Variants in GALNT7 observed in about 807,000 individuals in gnomAD.
GALNT7 encodes N-acetylgalactosaminyltransferase 7.
GALNT7 carries 60 observed loss-of-function variants against 82.1 expected under a neutral mutation model. The ratio of observed to expected loss-of-function variants is 0.73; its 90% CI spans 0.59 to 0.91. GALNT7 has a LOEUF of 0.91. GALNT7 is among the 40% of genes least tolerant of loss of function. The probability of loss-of-function intolerance (pLI) is 0.00; values close to 1 mark genes in which losing one functional copy is unlikely to be tolerated. For missense variants in GALNT7, 660 were observed against 804.2 expected (o/e 0.82, Z 2.17); for synonymous variants, 243 against 275.1 (o/e 0.88, Z 1.15).
chr4:173,212,519 C>T (rs919328319), intron 1 of GALNT7, among the ~76,000 whole-genome samples: 3 of 152,022 alleles, frequency 2.0e-5, no homozygotes, highest in Admixed American at 6.6e-5. Flanking sequence ...TGTCTTTTTA[C>T]AAATGGAAAA....
At chr4:173,217,817 C>T (rs1279614051) in intron 1 of GALNT7, among the ~76,000 whole-genome samples, 1 of 152,202 alleles carries the variant, frequency 6.6e-6, no homozygotes, top group African/African-American at 2.4e-5. Flanking sequence ...AGCCTGCTTT[C>T]ACTCTGTGAG....
intron 2 of GALNT7, among the ~76,000 whole-genome samples, chr4:173,260,646 G>A (rs1358838814): frequency 1.3e-5 from 2 of 152,120 alleles, no homozygotes; most frequent in Admixed American, 1.3e-4. Context: ...TGAATCAAGA[G>A]CTTTGTGAAA....
rs1340580616 is a variant in GALNT7, at chr4:173,302,076, C to G, written c.1178C>G (p.Ala393Gly). The change falls in exon 7 of 12, where the codon GCC (alanine) becomes GGC (glycine). Residue 393 changes from alanine to glycine, a missense_variant. Ala to Gly is a moderately conservative substitution (Grantham distance 60). This residue lies in a region of GALNT7 where 527 missense variants were observed against 683.5 expected (regional missense o/e 0.77). Coordinates refer to ENST00000265000, the MANE Select transcript of GALNT7 (RefSeq NM_017423.3). The surrounding 1 kb of genome is among the most constrained non-coding windows in gnomAD (Gnocchi z 4.2). ...RSPAMAGGLF[A>G]IEREFFFELG... ...CCAGCCATGGCTGGGGGATTATTTGCCATTGAACGAGAGTTCTTCTTTGAA... is the reference window on the plus strand; with the variant it reads ...CCAGCCATGGCTGGGGGATTATTTGGCATTGAACGAGAGTTCTTCTTTGAA... The G allele has an allele frequency of 6.3e-7, 1 of 1,589,036 alleles. No individual in the cohort carries two copies. The highest frequency in any genetic ancestry group is 1.7e-5 in the Admixed American group (1 of 59,974).
At chr4:173,274,355 T>TGA (rs1326207761) in intron 2 of GALNT7, among the ~76,000 whole-genome samples, 1 of 152,252 alleles carries the variant, frequency 6.6e-6, no homozygotes, top group Admixed American at 6.5e-5. Flanking sequence ...CTGAGCTGTG[T>TGA]GCAGTCATTT....
intron 2 of GALNT7, chr4:173,268,369 C>G (rs1396053872): frequency 6.6e-6 from 1 of 151,964 alleles, no homozygotes; most frequent in Non-Finnish European, 1.5e-5. Context: ...ATTTTCTGCA[C>G]AGGACACAGC....
At chr4:173,196,292 T>A (rs1396755246) in intron 1 of GALNT7, among the ~76,000 whole-genome samples, 1 of 151,894 alleles carries the variant, frequency 6.6e-6, no homozygotes, top group Admixed American at 6.6e-5. Context: ...GCCTGGCTAA[T>A]TTTTGTATTT....
At chr4:173,255,382 C>G (rs1177200201) in intron 2 of GALNT7, among the ~76,000 whole-genome samples, 1 of 152,170 alleles carries the variant, frequency 6.6e-6, no homozygotes, top group African/African-American at 2.4e-5. Context: ...CATTTCCCCT[C>G]TCTTCATCCC....
chr4:173,314,254 G>A, intron 9 of GALNT7, 78 bp downstream of exon 9: 1 of 971,730 alleles, frequency 1.0e-6, no homozygotes, highest in African/African-American at 1.6e-5. Flanking sequence ...AAATATGTAA[G>A]AGGGAAGTAT....
At chr4:173,268,530 GTTTTTTTT>G (rs60894562) in intron 2 of GALNT7, among the ~76,000 whole-genome samples, 8 of 52,364 alleles carry the variant, frequency 1.5e-4, no homozygotes, top group East Asian at 7.3e-4. Context: ...TTTCTCTCTC[GTTTTTTTT>G]TTTTTTTTTT....
chr4:173,171,231 G>A (rs1731859411), intron 1 of GALNT7, among the ~76,000 whole-genome samples: 2 of 152,136 alleles, frequency 1.3e-5, no homozygotes, highest in Non-Finnish European at 2.9e-5. Flanking sequence ...GAGCTTTTAA[G>A]GTACAGTGCT....
chr4:173,246,819 G>C (rs1023476097), intron 1 of GALNT7, among the ~76,000 whole-genome samples: 10 of 152,104 alleles, frequency 6.6e-5, no homozygotes, highest in Admixed American at 6.5e-5. Flanking sequence ...TGGTCGGGTG[G>C]TGCTAATTCT....
intron 8 of GALNT7, among the ~76,000 whole-genome samples, chr4:173,311,097 T>G (rs1326228874): frequency 6.6e-6 from 1 of 152,242 alleles, no homozygotes; most frequent in African/African-American, 2.4e-5. Flanking sequence ...CTTGCTATAC[T>G]GCAATACACC....
chr4:173,205,037 C>G (rs1262900046), intron 1 of GALNT7, among the ~76,000 whole-genome samples: 1 of 152,202 alleles, frequency 6.6e-6, no homozygotes, highest in Non-Finnish European at 1.5e-5. Flanking sequence ...GGCAGACTTA[C>G]TACTGGAGCC....
chr4:173,296,132 A>G (rs981567817), intron 5 of GALNT7, among the ~76,000 whole-genome samples: 5 of 152,180 alleles, frequency 3.3e-5, no homozygotes, highest in Non-Finnish European at 7.4e-5. Flanking sequence ...TAAGAGTTAT[A>G]TGAATTGCTC....
At chr4:173,316,621 AGGTACTT>A (rs1332397505) in intron 9 of GALNT7, 4 of 152,198 alleles carry the variant, frequency 2.6e-5, no homozygotes, top group African/African-American at 9.7e-5. Context: ...GGCACACATC[AGGTACTT>A]AATATTTGAT....
At chr4:173,203,156 C>T (rs1313007520) in intron 1 of GALNT7, among the ~76,000 whole-genome samples, 4 of 151,928 alleles carry the variant, frequency 2.6e-5, no homozygotes, top group Middle Eastern at 3.4e-3. Context: ...AGTGCAGTGG[C>T]GCAATCTAGG....
intron 1 of GALNT7, among the ~76,000 whole-genome samples, chr4:173,184,626 GA>G (rs1257136399): frequency 1.4e-5 from 2 of 143,116 alleles, no homozygotes; most frequent in Non-Finnish European, 3.0e-5. Context: ...CAGGGAGAGG[GA>G]GAGGGAGGGG....
intron 1 of GALNT7, among the ~76,000 whole-genome samples, chr4:173,190,406 G>C (rs566020627): frequency 6.6e-6 from 1 of 152,308 alleles, no homozygotes; most frequent in East Asian, 1.9e-4. Context: ...GGGAGGAATC[G>C]TAGTCTTTGC....
chr4:173,261,212 C>T (rs1409498793), intron 2 of GALNT7, among the ~76,000 whole-genome samples: 1 of 152,122 alleles, frequency 6.6e-6, no homozygotes, highest in African/African-American at 2.4e-5. Flanking sequence ...CCTCCCTGGC[C>T]AGGACGCCAT....
Sources: gnomAD v4.1 joint callset for allele counts (sites outside exome capture counted in the v4.1 genomes callset) on GRCh38, gnomAD v4.1.1 for gene constraint, gnomAD v4.1.1 regional missense constraint, Gnocchi (gnomAD v3.1) non-coding constraint, MANE v1.5 for transcripts, NCBI Gene and HGNC (gene_info 2026-07-23, HGNC 2026-07-21) for gene names.